Variants in LAMC1 observed in about 807,000 individuals in gnomAD.
LAMC1 encodes the protein laminin subunit gamma-1.
In LAMC1, 38 loss-of-function variants were observed where a neutral mutation model predicts 173.6. The observed-to-expected ratio is 0.22, with a 90% confidence interval of 0.17 to 0.29. The LOEUF is 0.29. LAMC1 is among the 10% of genes least tolerant of loss of function. LAMC1 has a pLI of 1.00. For missense variants in LAMC1, 1,824 were observed against 2,051.8 expected, an observed-to-expected ratio of 0.89 and a Z score of 2.14; for synonymous variants, 746 against 749.1, an observed-to-expected ratio of 1.00 and a Z score of 0.07.
chr1:183,064,052 T>C (rs1249824173), intron 1 of LAMC1, among the ~76,000 whole-genome samples: 1 of 152,126 alleles, frequency 6.6e-6, no homozygotes, highest in Non-Finnish European at 1.5e-5. Context: ...TGAAGCAAAG[T>C]GGGTAAACTT....
chr1:183,072,492 C>T (rs1655034158), intron 1 of LAMC1, among the ~76,000 whole-genome samples: 1 of 152,180 alleles, frequency 6.6e-6, no homozygotes. Flanking sequence ...ACGAATGCCT[C>T]AATTGAAGCT....
At chr1:183,050,019 T>C (rs1412060933) in intron 1 of LAMC1, among the ~76,000 whole-genome samples, 2 of 152,170 alleles carry the variant, frequency 1.3e-5, no homozygotes, top group Non-Finnish European at 2.9e-5. Context: ...TAGAATCTTA[T>C]GTGCTAAAGA....
intron 1 of LAMC1, among the ~76,000 whole-genome samples, chr1:183,055,895 A>G (rs1654579371): frequency 6.6e-6 from 1 of 152,184 alleles, no homozygotes; most frequent in South Asian, 2.1e-4. Context: ...ATTGATGATT[A>G]TTTTTCATGA....
chr1:183,055,250 G>T (rs1027832798), intron 1 of LAMC1, among the ~76,000 whole-genome samples: 11 of 151,686 alleles, frequency 7.3e-5, no homozygotes, highest in Non-Finnish European at 1.5e-4. Flanking sequence ...TTGGCCTCCG[G>T]AAGTGCTGGG....
chr1:183,122,908 AC>A (rs1253516756), intron 13 of LAMC1, among the ~76,000 whole-genome samples: 1 of 151,732 alleles, frequency 6.6e-6, no homozygotes, highest in African/African-American at 2.4e-5. Context: ...TAGCTGCCCC[AC>A]CCACCACCTG....
At position 183,110,512 on chromosome 1, in the gene LAMC1, C is replaced by G; in HGVS notation, c.879C>G (p.Ser293Arg). 6.2e-7 allele frequency: 1 copy of G among 1,612,622 alleles called. No homozygotes were observed. The highest frequency in any genetic ancestry group is 8.5e-7 in the Non-Finnish European group (1 of 1,179,076). Residue 293 changes from serine (S) to arginine (R), a missense_variant, in exon 4 of 28, where the codon AGC (serine) becomes AGG (arginine). Transcript: ENST00000258341. ...GGRCKCNGHASECMKNEFDKL... is the reference protein window; with the variant it reads ...GGRCKCNGHARECMKNEFDKL... ...GATGTAAATGTAATGGACACGCAAG[C>G]GAGTGTATGAAGAACGAATTTGATA...
intron 16 of LAMC1, among the ~76,000 whole-genome samples, chr1:183,126,645 C>G (rs1229964096): frequency 6.6e-6 from 1 of 152,188 alleles, no homozygotes; most frequent in African/African-American, 2.4e-5. Flanking sequence ...TGTTGACTTG[C>G]TGTAGTTGCT....
chr1:183,088,240 T>C (rs1429309041), intron 1 of LAMC1, among the ~76,000 whole-genome samples: 1 of 152,266 alleles, frequency 6.6e-6, no homozygotes, highest in East Asian at 1.9e-4. Context: ...CCAGAAAATA[T>C]CGTCTTGTTT....
intron 1 of LAMC1, among the ~76,000 whole-genome samples, chr1:183,064,186 A>T (rs1346784508): frequency 1.3e-5 from 2 of 152,188 alleles, no homozygotes; most frequent in African/African-American, 4.8e-5. Context: ...GCTTCTATAT[A>T]TATGTATATA....
chr1:183,035,473 C>T (rs948263732), intron 1 of LAMC1, among the ~76,000 whole-genome samples: 9 of 152,306 alleles, frequency 5.9e-5, no homozygotes, highest in African/African-American at 2.2e-4. Flanking sequence ...AGGTGTAAGC[C>T]ACCATGCCCA....
intron 1 of LAMC1, among the ~76,000 whole-genome samples, chr1:183,045,555 A>G (rs1178221569): frequency 6.6e-6 from 1 of 152,038 alleles, no homozygotes; most frequent in Non-Finnish European, 1.5e-5. Flanking sequence ...AGTTAAGATT[A>G]TACTACACCT....
chr1:183,081,168 G>A (rs1485039061), intron 1 of LAMC1, among the ~76,000 whole-genome samples: 1 of 152,242 alleles, frequency 6.6e-6, no homozygotes, highest in Middle Eastern at 3.4e-3. Context: ...GATTATAGGC[G>A]TCAGCCACCG....
intron 1 of LAMC1, among the ~76,000 whole-genome samples, chr1:183,081,549 AAAATAAATAAATAAAT>A (rs71127333): frequency 0.32 from 45,299 of 139,478 alleles, 7,972 homozygotes; most frequent in Middle Eastern, 0.43. Flanking sequence ...CTCCGCCTCA[AAAATAAATAAATAAAT>A]AAATAAATAA....
intron 1 of LAMC1, among the ~76,000 whole-genome samples, chr1:183,089,375 T>G (rs1430730164): frequency 1.3e-5 from 2 of 152,248 alleles, no homozygotes; most frequent in Non-Finnish European, 2.9e-5. Context: ...TTTGAAGTAC[T>G]GGGAACCTGA....
intron 1 of LAMC1, among the ~76,000 whole-genome samples, chr1:183,086,691 A>G (rs1468510859): frequency 1.3e-5 from 2 of 152,226 alleles, no homozygotes; most frequent in African/African-American, 4.8e-5. Context: ...TTATTTTAAC[A>G]CAAACTTACC....
intron 15 of LAMC1, 50 bp from the exon 16 acceptor site, chr1:183,126,070 G>C: frequency 6.4e-7 from 1 of 1,571,376 alleles, no homozygotes; most frequent in Non-Finnish European, 8.6e-7. Flanking sequence ...AAAAAGTTGT[G>C]CTTAAAGTCT....
chr1:183,136,362 A>G (rs1558061095), intron 24 of LAMC1, 24 bp from the exon 25 acceptor site: 11 of 1,610,014 alleles, frequency 6.8e-6, no homozygotes, highest in African/African-American at 1.3e-5. Context: ...GTTTAGCTCA[A>G]ATGTGTCCTT....
chr1:183,040,032 T>G (rs2102014216), intron 1 of LAMC1, among the ~76,000 whole-genome samples: 1 of 152,296 alleles, frequency 6.6e-6, no homozygotes, highest in African/African-American at 2.4e-5. Context: ...GAGGGTGGTG[T>G]TGGAGGTGAG....
intron 18 of LAMC1, among the ~76,000 whole-genome samples, chr1:183,129,236 C>G (rs1181500364): frequency 8.5e-6 from 1 of 118,104 alleles, no homozygotes; most frequent in African/African-American, 2.9e-5. Flanking sequence ...CAGGCACATG[C>G]CCACCATGCC....
Sources: gnomAD v4.1 joint callset for allele counts (sites outside exome capture counted in the v4.1 genomes callset) on GRCh38, gnomAD v4.1.1 for gene constraint, MANE v1.5 for transcripts, NCBI Gene and HGNC (gene_info 2026-07-23, HGNC 2026-07-21) for gene names.